TNPO3: variants seen among roughly 807,000 people sequenced by gnomAD.
TNPO3 encodes transportin-3.
Under a neutral mutation model 122.8 loss-of-function variants are expected in TNPO3, and 65 were observed. The ratio of observed to expected loss-of-function variants is 0.53; its 90% CI spans 0.43 to 0.65. The LOEUF (loss-of-function observed/expected upper bound fraction) is 0.65, where lower values mean the gene tolerates loss of function less well. Among genes scored for constraint, TNPO3 ranks in the 30% least tolerant of loss-of-function variants. The probability of loss-of-function intolerance (pLI) is 0.00; values close to 1 mark genes in which losing one functional copy is unlikely to be tolerated. For missense variants in TNPO3, 850 were observed against 1,136.7 expected, an observed-to-expected ratio of 0.75 and a Z score of 3.63; for synonymous variants, 372 against 411.2, an observed-to-expected ratio of 0.90 and a Z score of 1.15.
In TNPO3 at chr7:128,997,466, T is replaced by A; in HGVS notation, c.1081A>T (p.Ile361Phe). The change falls in exon 8 of 23, where the codon ATT (isoleucine) becomes TTT (phenylalanine). Residue 361 changes from isoleucine (I) to phenylalanine (F), a missense_variant. Coordinates refer to ENST00000265388, the MANE Select transcript of TNPO3 (RefSeq NM_012470.4). ...ATGTAAGCTTTGAAGATGCCATGAA[T>A]AACTTCATCGTTAGTTTTGTACAAA... ...EHLYKTNDEVIHGIFKAYIQR... is the reference protein window; with the variant it reads ...EHLYKTNDEVFHGIFKAYIQR... 1 of 1,614,150 alleles carries A rather than the reference T, an allele frequency of 6.2e-7. No homozygotes were observed. Among genetic ancestry groups the A allele is most frequent in the Non-Finnish European group, 8.5e-7 (1 of 1,179,956 alleles).
At chr7:128,975,706 G>C in intron 17 of TNPO3, 113 bp downstream of exon 17, 2 of 705,580 alleles carry the variant, frequency 2.8e-6, no homozygotes, top group South Asian at 3.7e-5. Context: ...AAATCAACAT[G>C]CCTGGGGGAA....
intron 21 of TNPO3, among the ~76,000 whole-genome samples, chr7:128,962,811 A>AG (rs1200838784): frequency 9.3e-6 from 1 of 107,384 alleles, no homozygotes; most frequent in Non-Finnish European, 2.2e-5. Flanking sequence ...CAAAGATAAC[A>AG]GGTTTTTTTT....
intron 18 of TNPO3, 31 bp from the exon 19 acceptor site, chr7:128,972,613 G>A: frequency 1.2e-6 from 2 of 1,604,096 alleles, no homozygotes; most frequent in East Asian, 4.5e-5. Context: ...AGGTATAAAT[G>A]ACAAGATTAG....
intron 1 of TNPO3, among the ~76,000 whole-genome samples, chr7:129,046,543 C>T (rs1410194040): frequency 6.6e-6 from 1 of 152,082 alleles, no homozygotes; most frequent in East Asian, 1.9e-4. Context: ...AGAGAAAAGC[C>T]AAAAACCCTA....
At chr7:128,979,178 A>G in intron 15 of TNPO3, 55 bp from the exon 16 acceptor site, 6 of 1,602,034 alleles carry the variant, frequency 3.7e-6, no homozygotes, top group Non-Finnish European at 5.1e-6. Context: ...CTAGGACCTG[A>G]AAAACTGCTA....
intron 1 of TNPO3, among the ~76,000 whole-genome samples, chr7:129,031,322 G>A (rs1049367557): frequency 1.3e-5 from 2 of 151,234 alleles, no homozygotes; most frequent in Non-Finnish European, 3.0e-5. Flanking sequence ...AAGAAAGAAA[G>A]AAATAAGAGG....
Position 128,990,006 on chromosome 7 carries a change from C to T in TNPO3, c.1453G>A (p.Val485Ile), listed in dbSNP as rs751986019. 16 of 1,614,124 alleles carry T rather than the reference C, an allele frequency of 9.9e-6. No homozygotes were observed. The highest frequency in any genetic ancestry group is 2.2e-5 in the East Asian group (1 of 44,902). The change falls in exon 11 of 23, where the codon GTT becomes ATT. Residue 485 changes from valine to isoleucine, a missense_variant. Transcript: ENST00000265388. ...TAVRYTSIEL[V>I]GEMSEVVDRN... Reference sequence around the variant, plus strand: ...TCAACGACTTCACTCATCTCTCCAACCAATTCAATGCTGGTGTATCGCACA... The same window carrying T: ...TCAACGACTTCACTCATCTCTCCAATCAATTCAATGCTGGTGTATCGCACA...
intron 1 of TNPO3, among the ~76,000 whole-genome samples, chr7:129,050,928 G>A (rs1808687221): frequency 6.6e-6 from 1 of 152,158 alleles, no homozygotes; most frequent in Non-Finnish European, 1.5e-5. Context: ...AAGAGGCAAA[G>A]GGAATTCCCT....
chr7:128,954,993 G>A lies in TNPO3; in HGVS notation c.*424C>T, dbSNP rs1362041210. On this transcript the variant is annotated 3_prime_UTR_variant, in exon 23 of 23. Coordinates refer to ENST00000265388, the MANE Select transcript of TNPO3 (RefSeq NM_012470.4). ...TGTCCTTTTGTTTTTCTGTGTACAC[G>A]TGCGCACTGGCGCTTGTGCGTGTAT... is the stretch of plus-strand genomic sequence containing the variant. The A allele has an allele frequency of 3.6e-5, 8 of 221,456 alleles. No homozygotes were observed. The highest frequency in any genetic ancestry group is 5.5e-5 in the Non-Finnish European group (6 of 108,820). The allele number at this position is 221,456 out of a possible 1,614,324, so 13.7% of individuals were successfully genotyped here. A position where few individuals can be genotyped will look rare whatever the true frequency, so the allele number is the denominator to read the frequency against.
intron 1 of TNPO3, chr7:129,029,081 AC>A (rs1482677323): frequency 3.8e-6 from 1 of 265,746 alleles, no homozygotes. Flanking sequence ...TCCTCATGTC[AC>A]CCCCTTTTAT....
intron 4 of TNPO3, among the ~76,000 whole-genome samples, chr7:129,007,869 G>C (rs936660111): frequency 6.6e-6 from 1 of 152,088 alleles, no homozygotes; most frequent in Non-Finnish European, 1.5e-5. Context: ...GAATGGCAGG[G>C]GCCGGGTGTG....
chr7:129,013,098 G>T (rs904328985), intron 4 of TNPO3, among the ~76,000 whole-genome samples: 1 of 152,134 alleles, frequency 6.6e-6, no homozygotes, highest in South Asian at 2.1e-4. Flanking sequence ...ATCTTTAAGA[G>T]ACAATCCTTT....
intron 4 of TNPO3, among the ~76,000 whole-genome samples, chr7:129,007,360 T>C (rs182093871): frequency 7.0e-4 from 107 of 152,336 alleles, no homozygotes; most frequent in Admixed American, 6.2e-3. Context: ...ATATGATTAA[T>C]ATCAAGGACT....
At chr7:129,007,656 C>T (rs892572535) in intron 4 of TNPO3, among the ~76,000 whole-genome samples, 21 of 152,182 alleles carry the variant, frequency 1.4e-4, no homozygotes, top group African/African-American at 4.6e-4. Context: ...GACTCACTTC[C>T]GCTCATTTTC....
chr7:129,027,021 G>C (rs1805269621), intron 1 of TNPO3, among the ~76,000 whole-genome samples: 2 of 151,854 alleles, frequency 1.3e-5, no homozygotes, highest in African/African-American at 4.8e-5. Context: ...TCCTGGGCTT[G>C]CCTGCCTCAG....
At chr7:129,003,064 A>AAAAAAAG (rs1554439863) in intron 5 of TNPO3, among the ~76,000 whole-genome samples, 2 of 130,410 alleles carry the variant, frequency 1.5e-5, no homozygotes, top group African/African-American at 5.7e-5. Context: ...AAAAAAAAAA[A>AAAAAAAG]TACAAAAAAT....
At chr7:129,034,895 A>C (rs1217589121) in intron 1 of TNPO3, among the ~76,000 whole-genome samples, 3 of 112,164 alleles carry the variant, frequency 2.7e-5, no homozygotes, top group Non-Finnish European at 5.8e-5. Flanking sequence ...ACTCTGTCTC[A>C]AAAAAAAAAA....
At chr7:128,982,066 C>T (rs556554120) in intron 14 of TNPO3, among the ~76,000 whole-genome samples, 182 bp downstream of exon 14, 1 of 152,206 alleles carries the variant, frequency 6.6e-6, no homozygotes, top group East Asian at 1.9e-4. Flanking sequence ...CAAAGACCTA[C>T]CAGGAATGAA....
chr7:128,984,584 G>A (rs2150333047), intron 12 of TNPO3, among the ~76,000 whole-genome samples: 1 of 152,300 alleles, frequency 6.6e-6, no homozygotes, highest in East Asian at 1.9e-4. Context: ...AGACTTCCCA[G>A]AGATTCTGAT....
Sources: allele counts gnomAD v4.1 joint callset (sites outside exome capture counted in the v4.1 genomes callset), GRCh38; gene constraint gnomAD v4.1.1; transcripts MANE v1.5; gene names NCBI Gene and HGNC (gene_info 2026-07-23, HGNC 2026-07-21).